Variants in ZZEF1 observed in about 807,000 individuals in gnomAD.
The protein encoded by ZZEF1 is zinc finger ZZ-type and EF-hand domain containing 1, also known as zinc finger ZZ-type and EF-hand domain-containing protein 1.
In ZZEF1, 157 loss-of-function variants were observed where a neutral mutation model predicts 342.8. The ratio of observed to expected loss-of-function variants is 0.46; its 90% confidence interval spans 0.40 to 0.52. ZZEF1 has a LOEUF of 0.52. Among genes scored for constraint, ZZEF1 ranks in the 20% least tolerant of loss-of-function variants. The pLI is 0.00. For synonymous variants in ZZEF1, 1,505 were observed against 1,429.1 expected, an observed-to-expected ratio of 1.05 and a Z score of -1.20; for missense variants, 3,480 against 3,725.6, an observed-to-expected ratio of 0.93 and a Z score of 1.72.
At position 4,091,237 on chromosome 17, in the gene ZZEF1, A is replaced by C. The variant is rs548121190; in HGVS notation, c.1914-407T>G. The stretch of plus-strand genomic sequence containing the variant: ...GGTCTGGCTAACATGTTTATGACCA[A>C]CCTGAGGTTTGGGCCACTTGCAATA... On this transcript the variant is annotated intron_variant, in intron 11 of 54. Coordinates refer to ENST00000381638, the MANE Select transcript of ZZEF1 (RefSeq NM_015113.4). Among the ~76,000 whole-genome samples, 20 of 152,294 alleles carry C rather than the reference A, an allele frequency of 1.3e-4. No individual in the cohort carries two copies. In the East Asian group the frequency reaches 3.9e-3, roughly 29 times the overall value.
chr17:4,082,067 C>G (rs1193391260), intron 17 of ZZEF1, among the ~76,000 whole-genome samples: 1 of 152,192 alleles, frequency 6.6e-6, no homozygotes, highest in Admixed American at 6.5e-5. Context: ...GAAGACCTCC[C>G]CTCCCAGCAC....
At chr17:4,096,496 T>A in intron 10 of ZZEF1, 113 bp downstream of exon 10, 1 of 829,372 alleles carries the variant, frequency 1.2e-6, no homozygotes, top group Non-Finnish European at 2.0e-6. Context: ...TCACATTGCA[T>A]GCCTGTATCA....
rs1567828300 is a variant in ZZEF1 at position 4,086,318 on chromosome 17, AATCCCTTTCTGGGGGATTCCCACAGCG to A, written c.2512+141_2512+167del. 4.1e-3 allele frequency among the ~76,000 whole-genome samples: 572 copies of A among 141,136 alleles called. 10 individuals carry two copies. Among genetic ancestry groups the A allele is most frequent in the African/African-American group, 0.015 (508 of 33,310 alleles). The allele number at this position is 141,136 out of a possible 152,430, so 92.6% of individuals were successfully genotyped here. On this transcript the variant is annotated intron_variant, in intron 15 of 54. Transcript: ENST00000381638. The stretch of plus-strand genomic sequence containing the variant: ...CTTTCTGGGGGATTCCCACAGCGGC[AATCCCTTTCTGGGGGATTCCCACAGCG>A]GCAATCCCTTTCTGGGGGATTCCCA...
chr17:4,009,597 G>C lies in ZZEF1; in HGVS notation c.8733+7C>G. On this transcript the variant is annotated splice_region_variant and intron_variant, in intron 53 of 54. Coordinates refer to ENST00000381638, the MANE Select transcript of ZZEF1 (RefSeq NM_015113.4). ...ACCGGGCTCCCTGCCCAGACCTCAGGCCTCACCTGGGCACGGTTCTCGGTG... is the reference window on the plus strand; with the variant it reads ...ACCGGGCTCCCTGCCCAGACCTCAGCCCTCACCTGGGCACGGTTCTCGGTG... 6.2e-7 allele frequency: 1 copy of C among 1,612,750 alleles called. No individual in the cohort carries two copies. Among genetic ancestry groups the C allele is most frequent in the Non-Finnish European group, 8.5e-7 (1 of 1,179,958 alleles).
At chr17:4,069,887 A>G (rs909945053) in intron 26 of ZZEF1, among the ~76,000 whole-genome samples, 1 of 152,200 alleles carries the variant, frequency 6.6e-6, no homozygotes, top group Non-Finnish European at 1.5e-5. Flanking sequence ...ACTCTAGTGG[A>G]AGGAAGCTCT....
chr17:4,062,986 G>C (rs781823), intron 29 of ZZEF1, 69 bp from the exon 30 acceptor site: 611,077 of 1,494,916 alleles, frequency 0.41, 131,059 homozygotes, highest in African/African-American at 0.78. Flanking sequence ...AAATATCCCC[G>C]CCAAAGCCCT....
intron 39 of ZZEF1, among the ~76,000 whole-genome samples, chr17:4,039,383 T>A (rs1487564619): frequency 6.6e-6 from 1 of 151,918 alleles, no homozygotes; most frequent in African/African-American, 2.4e-5. Context: ...GGCACAAGGA[T>A]CGCTTGAACC....
chr17:4,138,628 C>T (rs889313131), intron 1 of ZZEF1, among the ~76,000 whole-genome samples: 5 of 152,144 alleles, frequency 3.3e-5, no homozygotes, highest in African/African-American at 7.2e-5. Flanking sequence ...TACCACCCCA[C>T]GAATTTCACA....
chr17:4,047,629 T>C, intron 37 of ZZEF1, among the ~76,000 whole-genome samples: 1 of 147,172 alleles, frequency 6.8e-6, no homozygotes, highest in Admixed American at 6.9e-5. Context: ...GGCAACAGAG[T>C]GAGACCCTGT....
chr17:4,076,442 C>T (rs2057622780), intron 21 of ZZEF1, 195 bp downstream of exon 21: 1 of 615,492 alleles, frequency 1.6e-6, no homozygotes. Flanking sequence ...CTCTGCGTCT[C>T]CTTTCTAATG....
intron 39 of ZZEF1, 143 bp downstream of exon 39, chr17:4,042,286 G>T: frequency 1.2e-6 from 1 of 816,464 alleles, no homozygotes. Flanking sequence ...ATATAGGAAG[G>T]GTCAGAAGAA....
intron 11 of ZZEF1, among the ~76,000 whole-genome samples, chr17:4,095,371 T>C (rs1356909665): frequency 6.6e-6 from 1 of 152,252 alleles, no homozygotes; most frequent in East Asian, 1.9e-4. Flanking sequence ...TTTTCTTACC[T>C]GTCTTCTGAG....
At chr17:4,033,638 C>T (rs575105342) in intron 40 of ZZEF1, 25 of 231,100 alleles carry the variant, frequency 1.1e-4, no homozygotes, top group South Asian at 1.0e-3. Context: ...TGTGAGCCAC[C>T]GTGCCCAGCT....
chr17:4,111,035 A>T (rs1476261023), intron 5 of ZZEF1, among the ~76,000 whole-genome samples: 1 of 152,140 alleles, frequency 6.6e-6, no homozygotes, highest in South Asian at 2.1e-4. Flanking sequence ...TTTTTACAAC[A>T]CTAAATAAGG....
intron 49 of ZZEF1, among the ~76,000 whole-genome samples, chr17:4,015,007 C>T (rs2056064292): frequency 6.6e-6 from 1 of 152,142 alleles, no homozygotes; most frequent in Admixed American, 6.5e-5. Context: ...ACTGAAGGCC[C>T]TGGGCATGAA....
intron 11 of ZZEF1, among the ~76,000 whole-genome samples, chr17:4,094,921 CA>C (rs1405235567): frequency 6.6e-6 from 1 of 152,212 alleles, no homozygotes; most frequent in Non-Finnish European, 1.5e-5. Flanking sequence ...ATACTACACA[CA>C]ACATGATCCT....
intron 16 of ZZEF1, among the ~76,000 whole-genome samples, chr17:4,083,342 A>G (rs139178951): frequency 6.6e-6 from 1 of 152,352 alleles, no homozygotes; most frequent in Non-Finnish European, 1.5e-5. Context: ...CTTGCACCAA[A>G]CAAGTAGGAT....
At position 4,123,918 on chromosome 17, in the gene ZZEF1, G is replaced by C; in HGVS notation, c.488C>G (p.Ser163Cys). The change falls in exon 2 of 55, where the codon TCT (serine) becomes TGT (cysteine). Residue 163 changes from serine (S) to cysteine (C), a missense_variant. By Grantham distance (112) the Ser-to-Cys change is moderately radical. This residue lies in a region of ZZEF1 where 416 missense variants were observed against 374.2 expected (regional missense o/e 1.11). Transcript: ENST00000381638. Reference protein sequence around the residue: ...SHIIRQLQACSLVPGFTDIFS... With the variant: ...SHIIRQLQACCLVPGFTDIFS... ...GATGGAAGCCTCACCTGGAACCAGA[G>C]AGCAGGCCTGTAGTTGTCTGATGAT... 1 of 1,613,688 alleles carries C rather than the reference G, an allele frequency of 6.2e-7. No homozygotes were observed. The highest frequency in any genetic ancestry group is 8.5e-7 in the Non-Finnish European group (1 of 1,179,900).
At chr17:4,081,212 G>A (rs1232418962) in intron 18 of ZZEF1, among the ~76,000 whole-genome samples, 164 bp downstream of exon 18, 3 of 152,172 alleles carry the variant, frequency 2.0e-5, no homozygotes, top group South Asian at 2.1e-4. Flanking sequence ...ACCCCAGCCC[G>A]GGTGACAGAG....
Sources: allele counts gnomAD v4.1 joint callset (sites outside exome capture counted in the v4.1 genomes callset), GRCh38; gene constraint gnomAD v4.1.1; regional missense constraint gnomAD v4.1.1; transcripts MANE v1.5; gene names NCBI Gene and HGNC (gene_info 2026-07-23, HGNC 2026-07-21).